Variants in CNTRL observed in about 807,000 individuals in gnomAD.
CNTRL encodes centriolin.
A neutral mutation model predicts 303.7 loss-of-function variants in CNTRL; 233 were observed. That is an observed-to-expected ratio of 0.77 (90% CI 0.69 to 0.86). The LOEUF (loss-of-function observed/expected upper bound fraction) is 0.86. Among genes scored for constraint, CNTRL ranks in the 40% least tolerant of loss-of-function variants. The pLI is 0.00. For missense variants in CNTRL, 2,524 were observed against 2,650.6 expected (o/e 0.95, Z 1.05); for synonymous variants, 900 against 922.2 (o/e 0.98, Z 0.44).
intron 7 of CNTRL, among the ~76,000 whole-genome samples, chr9:121,099,370 AAAGG>A (rs1320369661): frequency 3.3e-5 from 5 of 152,214 alleles, no homozygotes; most frequent in Non-Finnish European, 5.9e-5. Context: ...TAACAAACAG[AAAGG>A]ATATCCACAC....
At chr9:121,128,551 A>T (rs1458848860) in intron 14 of CNTRL, among the ~76,000 whole-genome samples, 1 of 152,212 alleles carries the variant, frequency 6.6e-6, no homozygotes, top group East Asian at 1.9e-4. Context: ...GCCCTTTGTC[A>T]GATGAGCAGA....
chr9:121,108,383 G>A (rs925199408), intron 8 of CNTRL, among the ~76,000 whole-genome samples: 7 of 152,056 alleles, frequency 4.6e-5, no homozygotes, highest in Non-Finnish European at 1.0e-4. Context: ...CTGATTCCCT[G>A]GTGCACGTTA....
In CNTRL at chr9:121,142,273, A is replaced by G; in HGVS notation, c.2871+3A>G. 6.3e-7 allele frequency: 1 copy of G among 1,591,938 alleles called. No individual in the cohort carries two copies. On this transcript the variant is annotated splice_donor_region_variant and intron_variant, in intron 19 of 43. Transcript: ENST00000373855. ...AACTCCGAGAGTTAGAGAAAAAGGT[A>G]GGGGAGACTTAGAAAATGAGACACA... is the stretch of plus-strand genomic sequence containing the variant.
At chr9:121,170,124 G>C (rs1291034341) in intron 39 of CNTRL, among the ~76,000 whole-genome samples, 1 of 152,120 alleles carries the variant, frequency 6.6e-6, no homozygotes, top group Non-Finnish European at 1.5e-5. Flanking sequence ...GCAGGGAGGA[G>C]GGGGTGTTGA....
Position 121,177,498 on chromosome 9 carries a change from A to T in CNTRL, c.*312A>T. The stretch of plus-strand genomic sequence containing the variant: ...GCATATTTGAACCTACAAACTGGTA[A>T]ATCTTATTAACAAAAAGAATGTACT... On this transcript the variant is annotated 3_prime_UTR_variant, in exon 44 of 44. Coordinates refer to ENST00000373855, the MANE Select transcript of CNTRL (RefSeq NM_007018.6). 1 of 307,206 alleles carries T rather than the reference A, an allele frequency of 3.3e-6. No individual in the cohort carries two copies. The highest frequency in any genetic ancestry group is 5.1e-5 in the Admixed American group (1 of 19,762). The allele number at this position is 307,206 out of a possible 1,614,324, so 19.0% of individuals were successfully genotyped here.
At chr9:121,159,756 T>C (rs961079402) in intron 31 of CNTRL, among the ~76,000 whole-genome samples, 1 of 152,120 alleles carries the variant, frequency 6.6e-6, no homozygotes, top group Non-Finnish European at 1.5e-5. Flanking sequence ...CTTTTGAGTT[T>C]AGAAACACTC....
At chr9:121,169,474 T>G in intron 38 of CNTRL, 137 bp from the exon 39 acceptor site, 2 of 825,446 alleles carry the variant, frequency 2.4e-6, no homozygotes, top group East Asian at 2.6e-5. Flanking sequence ...CAGGGTAGGC[T>G]TGTACGACTT....
rs1261572421 is a variant in CNTRL at position 121,168,260 on chromosome 9, T to TAACACTCTGCAGGA, written c.6010_6011insACACTCTGCAGGAA (p.Arg2004AsnfsTer53). 1 of 1,614,148 alleles carries TAACACTCTGCAGGA rather than the reference T, an allele frequency of 6.2e-7. No homozygotes were observed. The highest frequency in any genetic ancestry group is 2.2e-5 in the East Asian group (1 of 44,874). Reference sequence around the variant, plus strand: ...AGGTGCTGGCAGCTGAAGAGCGTGTTAGGACTCTGCAGGAAGAGGAGAGGT... The same window carrying TAACACTCTGCAGGA: ...AGGTGCTGGCAGCTGAAGAGCGTGTTAACACTCTGCAGGAAGGACTCTGCAGGAAGAGGAGAGGT... On this transcript the variant is annotated frameshift_variant, in exon 38 of 44. Coordinates refer to ENST00000373855, the MANE Select transcript of CNTRL (RefSeq NM_007018.6). LOFTEE classifies it high-confidence loss of function.
At chr9:121,078,971 AG>A (rs1483459199) in intron 1 of CNTRL, among the ~76,000 whole-genome samples, 2 of 152,106 alleles carry the variant, frequency 1.3e-5, no homozygotes, top group African/African-American at 4.8e-5. Flanking sequence ...TTCATTATGT[AG>A]GCCTGATTGA....
intron 2 of CNTRL, among the ~76,000 whole-genome samples, chr9:121,084,773 T>C (rs1021735993): frequency 9.2e-5 from 14 of 152,174 alleles, no homozygotes; most frequent in Non-Finnish European, 1.6e-4. Context: ...CTCGATCTCC[T>C]GACCTCGTGA....
intron 37 of CNTRL, 105 bp from the exon 38 acceptor site, chr9:121,167,991 G>A: frequency 1.0e-6 from 1 of 954,184 alleles, no homozygotes; most frequent in Non-Finnish European, 1.6e-6. Context: ...GTCCCTGTGG[G>A]CTGTCTTCTA....
At chr9:121,114,641 A>G (rs1223605120) in intron 10 of CNTRL, among the ~76,000 whole-genome samples, 1 of 152,198 alleles carries the variant, frequency 6.6e-6, no homozygotes, top group Non-Finnish European at 1.5e-5. Flanking sequence ...GAGATCATCA[A>G]CAGCTGGGAG....
In CNTRL at chr9:121,107,967, A is replaced by G. The variant is rs1373563348; in HGVS notation, c.974A>G (p.Lys325Arg). 1 of 1,587,108 alleles carries G rather than the reference A, an allele frequency of 6.3e-7. No individual in the cohort carries two copies. The highest frequency in any genetic ancestry group is 8.5e-7 in the Non-Finnish European group (1 of 1,171,810). Residue 325 changes from lysine to arginine, a missense_variant, in exon 8 of 44, where the codon AAG becomes AGG. Physicochemically the swap from Lys to Arg is conservative, Grantham distance 26. Transcript: ENST00000373855. Reference sequence around the variant, plus strand: ...CAGAAACAGAGCTGTGAGGAACTCAAGAGTGACTTAAACACAAAAAATGAA... The same window carrying G: ...CAGAAACAGAGCTGTGAGGAACTCAGGAGTGACTTAAACACAAAAAATGAA... ...MLQKQSCEELKSDLNTKNELL... is the reference protein window; with the variant it reads ...MLQKQSCEELRSDLNTKNELL...
chr9:121,162,198 T>A lies in CNTRL; in HGVS notation c.5350T>A (p.Cys1784Ser). 6.2e-7 allele frequency: 1 copy of A among 1,614,060 alleles called. No individual in the cohort carries two copies. Among genetic ancestry groups the A allele is most frequent in the Non-Finnish European group, 8.5e-7 (1 of 1,180,018 alleles). Residue 1784 changes from cysteine to serine, a missense_variant, in exon 34 of 44, where the codon TGT becomes AGT. Physicochemically the swap from Cys to Ser is moderately radical, Grantham distance 112. Transcript: ENST00000373855. ...CCGAGCTTTACAATCGTGTGTTGAG[T>A]GTTTGAGCAAAGAAAAGGAAGATCT... ...ESRALQSCVE[C>S]LSKEKEDLQE...
At chr9:121,170,854 A>G (rs970868227) in intron 39 of CNTRL, among the ~76,000 whole-genome samples, 4 of 152,216 alleles carry the variant, frequency 2.6e-5, no homozygotes, top group Non-Finnish European at 5.9e-5. Flanking sequence ...AGGAAGCTCA[A>G]TCTACCATGC....
chr9:121,177,334 T>C lies in CNTRL; in HGVS notation c.*148T>C, dbSNP rs933554459. 3.0e-6 allele frequency: 2 copies of C among 658,540 alleles called. No individual in the cohort carries two copies. The highest frequency in any genetic ancestry group is 1.9e-5 in the South Asian group (1 of 51,902). 40.8% of individuals were successfully genotyped at this position (658,540 alleles called of 1,614,324 possible). A position where few individuals can be genotyped will look rare whatever the true frequency, so the allele number is the denominator to read the frequency against. ...CTGTAGTTTACTTTGCCTGTACCAT[T>C]AATGCCAATGTTTTTATAAATCACT... On this transcript the variant is annotated 3_prime_UTR_variant, in exon 44 of 44. Transcript: ENST00000373855.
rs569733945 is a variant in CNTRL at position 121,171,667 on chromosome 9, T to C, written c.6417+119T>C. ...AGTATAGAAAAGCTGATTATAAGAA[T>C]GTTCTTTAAGTCAAATCTGGTTTTT... On this transcript the variant is annotated intron_variant, in intron 40 of 43. Coordinates refer to ENST00000373855, the MANE Select transcript of CNTRL (RefSeq NM_007018.6). 4.8e-6 allele frequency: 5 copies of C among 1,051,286 alleles called. No individual in the cohort carries two copies. In the South Asian group the frequency reaches 9.3e-5, roughly 20 times the overall value. The allele number at this position is 1,051,286 out of a possible 1,614,324, so 65.1% of individuals were successfully genotyped here.
chr9:121,150,841 G>C (rs1408483346), intron 25 of CNTRL, among the ~76,000 whole-genome samples: 9 of 152,114 alleles, frequency 5.9e-5, no homozygotes, highest in Non-Finnish European at 1.5e-5. Flanking sequence ...AATAACAAAT[G>C]TTTTCAGTCC....
intron 1 of CNTRL, 74 bp from the exon 2 acceptor site, chr9:121,080,232 G>A (rs1041717779): frequency 1.4e-5 from 2 of 147,244 alleles, no homozygotes; most frequent in African/African-American, 4.9e-5. Context: ...TAGAGTTGTT[G>A]TATTCAATTC....
Sources: gnomAD v4.1 joint callset for allele counts (sites outside exome capture counted in the v4.1 genomes callset) on GRCh38, gnomAD v4.1.1 for gene constraint, MANE v1.5 for transcripts, NCBI Gene and HGNC (gene_info 2026-07-23, HGNC 2026-07-21) for gene names.